DOP1B: variants seen among roughly 807,000 people sequenced by gnomAD.
DOP1B encodes the protein DOP1 leucine zipper like protein B, also known as protein DOP1B.
Under a neutral mutation model 233.5 loss-of-function variants are expected in DOP1B, and 174 were observed. The observed-to-expected ratio is 0.75, with a 90% CI of 0.66 to 0.85. DOP1B has a LOEUF of 0.85. Among genes scored for constraint, DOP1B ranks in the 40% least tolerant of loss-of-function variants. The pLI is 0.00. For synonymous variants in DOP1B, 1,190 were observed against 1,185.6 expected, an observed-to-expected ratio of 1.00 and a Z score of -0.08; for missense variants, 2,652 against 2,846.6, an observed-to-expected ratio of 0.93 and a Z score of 1.56.
intron 10 of DOP1B, among the ~76,000 whole-genome samples, chr21:36,220,478 G>A (rs1018471528): frequency 6.6e-6 from 1 of 151,986 alleles, no homozygotes; most frequent in Non-Finnish European, 1.5e-5. Flanking sequence ...CAGTTATTTA[G>A]TTGCTTGGGG....
At position 36,287,005 on chromosome 21, in the gene DOP1B, T is replaced by C. The variant is rs1325154558; in HGVS notation, c.6161-1009T>C. Among the ~76,000 whole-genome samples, 6 of 152,042 alleles carry C rather than the reference T, an allele frequency of 3.9e-5. No homozygotes were observed. In the East Asian group the frequency reaches 1.2e-3, roughly 29 times the overall value. On this transcript the variant is annotated intron_variant, in intron 32 of 36. Coordinates refer to ENST00000691173, the MANE Select transcript of DOP1B (RefSeq NM_001320714.2). ...TATTACTAATATACTAATGTACTAA[T>C]GTACTACAGCCGATCTTAGCTAGCA...
chr21:36,208,690 G>A (rs1486542795), intron 4 of DOP1B, 25 bp from the exon 5 acceptor site: 1 of 1,606,784 alleles, frequency 6.2e-7, no homozygotes, highest in Admixed American at 1.7e-5. Flanking sequence ...GCGAGCCCTT[G>A]AACCCTATCC....
intron 2 of DOP1B, among the ~76,000 whole-genome samples, chr21:36,192,324 A>T (rs556734142): frequency 6.7e-6 from 1 of 149,916 alleles, no homozygotes. Flanking sequence ...ACACCACTGC[A>T]CTCCACTGTG....
At chr21:36,225,453 A>G in intron 11 of DOP1B, 112 bp from the exon 12 acceptor site, 5 of 1,185,732 alleles carry the variant, frequency 4.2e-6, no homozygotes, top group East Asian at 2.5e-5. Context: ...CTGGTCTCAG[A>G]CTCCTGAGCT....
At position 36,228,723 on chromosome 21, in the gene DOP1B, G is replaced by A. The variant is rs549932601; in HGVS notation, c.1665+846G>A. Among the ~76,000 whole-genome samples, 23 of 151,930 alleles carry A rather than the reference G, an allele frequency of 1.5e-4. No individual in the cohort carries two copies. In the East Asian group the frequency reaches 3.7e-3, roughly 24 times the overall value. ...AGACCTTGCAGTGAGCCGAGATAGT[G>A]CCACTGCAGTCCAGCCTAGGCGAAA... On this transcript the variant is annotated intron_variant, in intron 13 of 36. Transcript: ENST00000691173.
rs1286132532 is a variant in DOP1B at position 36,200,437 on chromosome 21, A to G, written c.427A>G (p.Ser143Gly). The G allele has an allele frequency of 1.2e-6, 2 of 1,613,398 alleles. No homozygotes were observed. The highest frequency in any genetic ancestry group is 1.1e-5 in the South Asian group (1 of 91,074). Reference protein sequence around the residue: ...FLPLQKLLLPSLQAFIVGLLP... With the variant: ...FLPLQKLLLPGLQAFIVGLLP... ...CCCACTGCAGAAGCTGCTCCTGCCC[A>G]GTCTGCAGGCCTTCATCGTGGGCCT... The change falls in exon 4 of 37, where the codon AGT becomes GGT. Residue 143 changes from serine to glycine, a missense_variant. Around this residue, in one of 3 missense-constraint regions of DOP1B, gnomAD observed 2,617 missense variants for 2,794.3 expected, o/e 0.94. Coordinates refer to ENST00000691173, the MANE Select transcript of DOP1B (RefSeq NM_001320714.2).
Position 36,245,838 on chromosome 21 carries a change from G to A in DOP1B, c.3858G>A (p.Gln1286=), listed in dbSNP as rs780066275. 9 of 1,613,800 alleles carry A rather than the reference G, an allele frequency of 5.6e-6. No individual in the cohort carries two copies. Among genetic ancestry groups the A allele is most frequent in the Admixed American group, 1.7e-5 (1 of 59,986 alleles). The stretch of plus-strand genomic sequence containing the variant: ...TCTCCAACCTCCTCGCTCGCCACCA[G>A]GAGGCCCTCATTGGCCAGAGTTTCT... ...NLISNLLARH[Q]EALIGQSFYG... Residue 1286 remains glutamine (Q), a synonymous_variant, in exon 19 of 37, where the codon CAG becomes CAA. Transcript: ENST00000691173. The surrounding 1 kb of genome is among the most constrained non-coding windows in gnomAD (Gnocchi z 5.5).
chr21:36,291,786 A>G (rs1353267611), intron 35 of DOP1B, among the ~76,000 whole-genome samples: 1 of 152,186 alleles, frequency 6.6e-6, no homozygotes, highest in African/African-American at 2.4e-5. Context: ...GCTCGAAACA[A>G]GGGAACATAT....
At chr21:36,177,497 G>C (rs1011630682) in intron 2 of DOP1B, among the ~76,000 whole-genome samples, 2 of 152,196 alleles carry the variant, frequency 1.3e-5, no homozygotes, top group East Asian at 3.8e-4. Flanking sequence ...TATTCCTCCA[G>C]TGCTGTGATT....
intron 10 of DOP1B, among the ~76,000 whole-genome samples, chr21:36,222,789 G>GC (rs1307148275): frequency 6.6e-6 from 1 of 151,878 alleles, no homozygotes; most frequent in Non-Finnish European, 1.5e-5. Flanking sequence ...AGGCTGGAGT[G>GC]CAGTGGCTCA....
chr21:36,282,579 C>A (rs1325729150), intron 32 of DOP1B, among the ~76,000 whole-genome samples: 1 of 152,196 alleles, frequency 6.6e-6, no homozygotes, highest in East Asian at 1.9e-4. Context: ...TTAATCAGCA[C>A]CTTCAGCTGA....
intron 2 of DOP1B, among the ~76,000 whole-genome samples, chr21:36,198,465 A>G (rs61639897): frequency 0.01 from 1,576 of 151,758 alleles, 25 homozygotes; most frequent in African/African-American, 0.036. Context: ...TTAAGCCATG[A>G]GGGGCCTCCC....
rs1305735384 is a variant in DOP1B at position 36,246,946 on chromosome 21, C to G, written c.4697+269C>G. On this transcript the variant is annotated intron_variant, in intron 19 of 36. Coordinates refer to ENST00000691173, the MANE Select transcript of DOP1B (RefSeq NM_001320714.2). This position sits in a 1 kb window ranked among gnomAD's most constrained non-coding sequence, Gnocchi z 5.1. ...CCAGGCTGGAGTGCAGTGGCATGAC[C>G]TCAGCTCACTGCAACCTCTGCCTCC... is the stretch of plus-strand genomic sequence containing the variant. Among the ~76,000 whole-genome samples the G allele has an allele frequency of 6.6e-6, 1 of 152,138 alleles. No homozygotes were observed. Among genetic ancestry groups the G allele is most frequent in the Admixed American group, 6.6e-5 (1 of 15,266 alleles).
intron 2 of DOP1B, among the ~76,000 whole-genome samples, chr21:36,191,162 G>A (rs1053081753): frequency 9.2e-5 from 14 of 152,056 alleles, no homozygotes; most frequent in African/African-American, 2.9e-4. Context: ...CAGCGACATT[G>A]CCAAATGGGA....
chr21:36,163,688 A>G (rs1188638716), intron 1 of DOP1B, among the ~76,000 whole-genome samples: 1 of 152,222 alleles, frequency 6.6e-6, no homozygotes, highest in Non-Finnish European at 1.5e-5. Context: ...TATATCAATT[A>G]GGATTGTGGT....
At chr21:36,158,815 AAAAG>A (rs1555884748) in intron 1 of DOP1B, among the ~76,000 whole-genome samples, 2 of 146,662 alleles carry the variant, frequency 1.4e-5, no homozygotes, top group African/African-American at 5.1e-5. Context: ...AAAAAAAAAA[AAAAG>A]AAAAGAAAAA....
intron 4 of DOP1B, among the ~76,000 whole-genome samples, chr21:36,202,490 T>C (rs2066380047): frequency 6.6e-6 from 1 of 152,160 alleles, no homozygotes. Context: ...TGCAGGAGGC[T>C]GGAGTCTAAC....
At chr21:36,174,585 A>G (rs935658234) in intron 2 of DOP1B, among the ~76,000 whole-genome samples, 4 of 151,708 alleles carry the variant, frequency 2.6e-5, no homozygotes, top group African/African-American at 9.7e-5. Flanking sequence ...GTTTACTGCA[A>G]CCTCTGCCTC....
At chr21:36,251,024 G>A in intron 21 of DOP1B, 138 bp from the exon 22 acceptor site, 1 of 1,200,716 alleles carries the variant, frequency 8.3e-7, no homozygotes, top group Non-Finnish European at 1.1e-6. Context: ...CACCCATCAG[G>A]GAAGCACCTC....
Sources: gnomAD v4.1 joint callset for allele counts (sites outside exome capture counted in the v4.1 genomes callset) on GRCh38, gnomAD v4.1.1 for gene constraint, gnomAD v4.1.1 regional missense constraint, Gnocchi (gnomAD v3.1) non-coding constraint, MANE v1.5 for transcripts, NCBI Gene and HGNC (gene_info 2026-07-23, HGNC 2026-07-21) for gene names.